MARF1: variants seen among roughly 807,000 people sequenced by gnomAD.
MARF1 encodes limkain-b1.
MARF1 carries 24 observed loss-of-function variants against 168.2 expected under a neutral mutation model. That is an observed-to-expected ratio of 0.14 (90% CI 0.10 to 0.20). The LOEUF is 0.20. Ranked by LOEUF, MARF1 falls within the 10% of genes least tolerant of loss-of-function variation. MARF1 has a pLI of 1.00. For missense variants in MARF1, 1,744 were observed against 2,143.6 expected, an observed-to-expected ratio of 0.81 and a Z score of 3.68; for synonymous variants, 868 against 822.4, an observed-to-expected ratio of 1.06 and a Z score of -0.95.
Position 15,596,176 on chromosome 16 carries a change from T to G in MARF1, c.*517A>C, listed in dbSNP as rs2031661744. 2 of 152,704 alleles carry G rather than the reference T, an allele frequency of 1.3e-5. No homozygotes were observed. The highest frequency in any genetic ancestry group is 2.9e-5 in the Non-Finnish European group (2 of 68,088). The allele number at this position is 152,704 out of a possible 1,614,324, so 9.5% of individuals were successfully genotyped here. A position where few individuals can be genotyped will look rare whatever the true frequency, so the allele number is the denominator to read the frequency against. ...AACCTGAAAATACACTCCGAACCCCTCGCCTACCCTTCTCCTTTGGTGTGT... is the reference window on the plus strand; with the variant it reads ...AACCTGAAAATACACTCCGAACCCCGCGCCTACCCTTCTCCTTTGGTGTGT... On this transcript the variant is annotated 3_prime_UTR_variant, in exon 27 of 27. Transcript: ENST00000396368.
At position 15,596,678 on chromosome 16, in the gene MARF1, T is replaced by C; in HGVS notation, c.*15A>G. On this transcript the variant is annotated 3_prime_UTR_variant, in exon 27 of 27. Coordinates refer to ENST00000396368, the MANE Select transcript of MARF1 (RefSeq NM_014647.4). Reference sequence around the variant, plus strand: ...ACAGTGTTTTCCCATCCTAATTCTATATTCCAAATGGGAGTTAAAGCTTGG... The same window carrying C: ...ACAGTGTTTTCCCATCCTAATTCTACATTCCAAATGGGAGTTAAAGCTTGG... 2 of 1,562,572 alleles carry C rather than the reference T, an allele frequency of 1.3e-6. No homozygotes were observed. Among genetic ancestry groups the C allele is most frequent in the Non-Finnish European group, 8.7e-7 (1 of 1,149,514 alleles).
chr16:15,628,856 A>T (rs1485450570), intron 7 of MARF1, among the ~76,000 whole-genome samples: 1 of 152,192 alleles, frequency 6.6e-6, no homozygotes, highest in Non-Finnish European at 1.5e-5. Flanking sequence ...TATTAAAATT[A>T]AAGGAACAGA....
At chr16:15,629,627 C>G (rs895188643) in intron 7 of MARF1, among the ~76,000 whole-genome samples, 1 of 152,244 alleles carries the variant, frequency 6.6e-6, no homozygotes, top group African/African-American at 2.4e-5. Context: ...TCACCCACAC[C>G]ATGGCTCCTT....
At chr16:15,600,282 AC>A (rs2032280055) in intron 25 of MARF1, 145 bp downstream of exon 25, 6 of 1,085,908 alleles carry the variant, frequency 5.5e-6, no homozygotes, top group Non-Finnish European at 8.0e-6. Flanking sequence ...CTAACTAAAT[AC>A]CAAAACTGCT....
chr16:15,616,089 G>T, intron 15 of MARF1, 84 bp from the exon 16 acceptor site: 1 of 1,157,144 alleles, frequency 8.6e-7, no homozygotes, highest in Non-Finnish European at 1.2e-6. Flanking sequence ...GAAGGCTTTG[G>T]TTTAATGTAT....
chr16:15,603,648 T>A (rs965363078), intron 22 of MARF1, among the ~76,000 whole-genome samples: 12 of 152,208 alleles, frequency 7.9e-5, no homozygotes, highest in Non-Finnish European at 1.6e-4. Flanking sequence ...TTTGGTAACT[T>A]ATTTTTTCCA....
intron 3 of MARF1, chr16:15,635,150 CG>C (rs2151294247): frequency 2.0e-6 from 1 of 508,432 alleles, no homozygotes; most frequent in South Asian, 3.5e-5. Context: ...AAGATATTCA[CG>C]TGGTCAGATC....
intron 3 of MARF1, chr16:15,635,388 A>G: frequency 2.0e-6 from 1 of 493,142 alleles, no homozygotes; most frequent in Non-Finnish European, 3.6e-6. Flanking sequence ...TAAACATAGA[A>G]CACGAAGGCT....
chr16:15,640,509 G>A (rs1215221456), intron 1 of MARF1, among the ~76,000 whole-genome samples: 1 of 152,176 alleles, frequency 6.6e-6, no homozygotes, highest in Non-Finnish European at 1.5e-5. Flanking sequence ...TTCCCAACCA[G>A]CCTGGGCAAC....
At position 15,609,634 on chromosome 16, in the gene MARF1, A is replaced by G. The variant is rs1321548368; in HGVS notation, c.3843T>C (p.Phe1281=). 6.2e-7 allele frequency: 1 copy of G among 1,614,190 alleles called. No individual in the cohort carries two copies. Among genetic ancestry groups the G allele is most frequent in the African/African-American group, 1.3e-5 (1 of 75,054 alleles). ...LRHQPHFRMP[F]NKFIPSYHHH... is the part of the protein sequence containing the mutation. ...GATGGTAAGAAGGGATAAATTTATT[A>G]AAGGGCATCCGGAAATGGGGTTGGT... The change falls in exon 20 of 27, where the codon TTT becomes TTC. Residue 1281 remains phenylalanine, a synonymous_variant. Coordinates refer to ENST00000396368, the MANE Select transcript of MARF1 (RefSeq NM_014647.4).
At chr16:15,628,530 T>G (rs906767216) in intron 7 of MARF1, among the ~76,000 whole-genome samples, 2 of 151,954 alleles carry the variant, frequency 1.3e-5, no homozygotes, top group African/African-American at 4.8e-5. Context: ...TGTCTCAGCC[T>G]CCCAAGCAGC....
At position 15,600,682 on chromosome 16, in the gene MARF1, T is replaced by C. The variant is rs966427542; in HGVS notation, c.4646A>G (p.His1549Arg). Residue 1549 changes from histidine to arginine, a missense_variant, in exon 24 of 27, where the codon CAT becomes CGT. By Grantham distance (29) the His-to-Arg change is conservative. Coordinates refer to ENST00000396368, the MANE Select transcript of MARF1 (RefSeq NM_014647.4). ...AIPQVVWIKG[H>R]GHKRIVVLKN... The stretch of plus-strand genomic sequence containing the variant: ...TAACACTACAATTCTCTTATGACCA[T>C]GTCCTTTTATCCAGACCACCTGCAC... The C allele has an allele frequency of 3.7e-6, 6 of 1,613,828 alleles. No homozygotes were observed. The highest frequency in any genetic ancestry group is 1.7e-5 in the Admixed American group (1 of 60,024).
At chr16:15,613,693 T>TAAATAAATAAAATAA (rs2151127768) in intron 16 of MARF1, among the ~76,000 whole-genome samples, 1 of 96,794 alleles carries the variant, frequency 1.0e-5, no homozygotes, top group African/African-American at 3.8e-5. Flanking sequence ...ATAAATAAAA[T>TAAATAAATAAAATAA]AAAATAAAAT....
Position 15,598,912 on chromosome 16 carries a change from G to A in MARF1, c.4926C>T (p.Pro1642=), listed in dbSNP as rs751612004. 1.1e-5 allele frequency: 18 copies of A among 1,613,840 alleles called. No homozygotes were observed. The highest frequency in any genetic ancestry group is 1.3e-5 in the African/African-American group (1 of 74,836). ...CLPSPQLRPD[P]VILQSADLIQ... is the part of the protein sequence containing the mutation. The stretch of plus-strand genomic sequence containing the variant: ...TGAGATCAGCAGATTGGAGGATAAC[G>A]GGGTCTGGTCTCAGCTGAGGGGACG... Residue 1642 remains proline (P), a synonymous_variant, in exon 26 of 27, where the codon CCC becomes CCT. Transcript: ENST00000396368.
chr16:15,600,177 G>C (rs992411834), intron 25 of MARF1, among the ~76,000 whole-genome samples: 2 of 152,140 alleles, frequency 1.3e-5, no homozygotes, highest in Non-Finnish European at 1.5e-5. Flanking sequence ...CTGAACTGGG[G>C]TAAGATGATC....
rs1213186343 is a variant in MARF1 at position 15,604,376 on chromosome 16, C to T, written c.4205G>A (p.Arg1402Lys). The T allele has an allele frequency of 2.5e-6, 4 of 1,613,878 alleles. No homozygotes were observed. Among genetic ancestry groups the T allele is most frequent in the Non-Finnish European group, 3.4e-6 (4 of 1,179,866 alleles). The change falls in exon 22 of 27, where the codon AGA becomes AAA. Residue 1402 changes from arginine (R) to lysine (K), a missense_variant. This residue lies in a region of MARF1 where 74 missense variants were observed against 66.7 expected (regional missense o/e 1.11). Transcript: ENST00000396368. Reference sequence around the variant, plus strand: ...CTTTCGGTTGATCAGCTGAATCTGTCTGCCAGATTCTATATCGGCAACCTG... The same window carrying T: ...CTTTCGGTTGATCAGCTGAATCTGTTTGCCAGATTCTATATCGGCAACCTG... Reference protein sequence around the residue: ...VVKVADIESGRQIQLINRKSL... With the variant: ...VVKVADIESGKQIQLINRKSL...
Position 15,633,614 on chromosome 16 carries a change from T to A in MARF1, c.1233+3A>T, listed in dbSNP as rs377683124. 1.3e-6 allele frequency: 2 copies of A among 1,492,518 alleles called. No homozygotes were observed. The highest frequency in any genetic ancestry group is 1.2e-5 in the South Asian group (1 of 83,846). The allele number at this position is 1,492,518 out of a possible 1,614,324, so 92.5% of individuals were successfully genotyped here. ...TTAAAATTATTAAATTTTTTTTTTT[T>A]ACCTGGCAATTATTCAGCTCTTGAA... On this transcript the variant is annotated splice_donor_region_variant and intron_variant, in intron 5 of 26. Coordinates refer to ENST00000396368, the MANE Select transcript of MARF1 (RefSeq NM_014647.4).
At chr16:15,614,278 C>T (rs1339122500) in intron 16 of MARF1, among the ~76,000 whole-genome samples, 1 of 150,304 alleles carries the variant, frequency 6.7e-6, no homozygotes, top group Admixed American at 6.7e-5. Flanking sequence ...GTCAGGAGAT[C>T]GAGACCATCC....
intron 4 of MARF1, 70 bp from the exon 5 acceptor site, chr16:15,633,913 A>G: frequency 8.0e-7 from 1 of 1,255,908 alleles, no homozygotes; most frequent in Non-Finnish European, 1.1e-6. Context: ...AAGATAATAA[A>G]CTACCTATCA....
Sources: allele counts gnomAD v4.1 joint callset (sites outside exome capture counted in the v4.1 genomes callset), GRCh38; gene constraint gnomAD v4.1.1; regional missense constraint gnomAD v4.1.1; transcripts MANE v1.5; gene names NCBI Gene and HGNC (gene_info 2026-07-23, HGNC 2026-07-21).